The following ZNF471 variants were observed in gnomAD, a reference collection of about 807,000 sequenced individuals.
ZNF471 encodes the protein EZFIT-related protein 1.
A neutral mutation model predicts 13.7 loss-of-function variants in ZNF471; 7 were observed. The observed-to-expected ratio is 0.51, with a 90% CI of 0.29 to 0.96. ZNF471 has a LOEUF of 0.96. ZNF471 is among the 40% of genes least tolerant of loss of function. ZNF471 has a pLI of 0.08. For missense variants in ZNF471, 663 were observed against 743.3 expected, an observed-to-expected ratio of 0.89 and a Z score of 1.26; for synonymous variants, 218 against 235.6, an observed-to-expected ratio of 0.93 and a Z score of 0.68.
chr19:56,519,650 G>A (rs1208944115), intron 4 of ZNF471, among the ~76,000 whole-genome samples: 1 of 152,152 alleles, frequency 6.6e-6, no homozygotes, highest in Non-Finnish European at 1.5e-5. Flanking sequence ...TTTCCCTTCT[G>A]TAACAGTGTT....
intron 3 of ZNF471, among the ~76,000 whole-genome samples, chr19:56,517,116 GTTTTAA>G (rs1328765756): frequency 1.4e-5 from 2 of 144,706 alleles, no homozygotes; most frequent in African/African-American, 5.0e-5. Flanking sequence ...TCTTTGTTCT[GTTTTAA>G]TTTTAATTTT....
rs115426397 is a variant in ZNF471, at chr19:56,522,003, A to G, written c.257-2321A>G. Among the ~76,000 whole-genome samples the G allele has an allele frequency of 0.015, 2,230 of 152,284 alleles. 64 individuals carry two copies. The highest frequency in any genetic ancestry group is 0.048 in the African/African-American group (1,984 of 41,564). On this transcript the variant is annotated intron_variant, in intron 4 of 4. Coordinates refer to ENST00000308031, the MANE Select transcript of ZNF471 (RefSeq NM_020813.4). This position sits in a 1 kb window ranked among gnomAD's most constrained non-coding sequence, Gnocchi z 4.1. ...TTTACTGTACCTTCTTTATGTTTGT[A>G]TATGTTTAGATACAAAAATACCATT...
Position 56,525,948 on chromosome 19 carries a change from AG to A in ZNF471, c.*1del. On this transcript the variant is annotated 3_prime_UTR_variant, in exon 5 of 5. Coordinates refer to ENST00000308031, the MANE Select transcript of ZNF471 (RefSeq NM_020813.4). ...GAAGTCATACTGGAGAAGAACCTTA[AG>A]AATGTAGTGCATGTGGCCAAGCCTT... 1 of 1,549,242 alleles carries A rather than the reference AG, an allele frequency of 6.5e-7. No homozygotes were observed. The highest frequency in any genetic ancestry group is 8.7e-7 in the Non-Finnish European group (1 of 1,151,960).
intron 2 of ZNF471, among the ~76,000 whole-genome samples, chr19:56,513,548 C>CT (rs2043838396): frequency 6.6e-6 from 1 of 152,086 alleles, no homozygotes; most frequent in Admixed American, 6.5e-5. Context: ...GAATTCTTAA[C>CT]TTCTGTTATT....
rs576186752 is a variant in ZNF471, at chr19:56,530,029, G to C, written c.*4081G>C. On this transcript the variant is annotated 3_prime_UTR_variant, in exon 5 of 5. Coordinates refer to ENST00000308031, the MANE Select transcript of ZNF471 (RefSeq NM_020813.4). ...GTGAAAAATTTGGAAAAAATGTTTA[G>C]TGCTATTAAAGTTATGGGTTACTTA... 1 of 152,310 alleles carries C rather than the reference G, an allele frequency of 6.6e-6. No individual in the cohort carries two copies. Among genetic ancestry groups the C allele is most frequent in the African/African-American group, 2.4e-5 (1 of 41,568 alleles). The allele number at this position is 152,310 out of a possible 1,614,324, so 9.4% of individuals were successfully genotyped here.
chr19:56,510,288 T>C lies in ZNF471; in HGVS notation c.-55-1229T>C. 6.1e-6 allele frequency: 6 copies of C among 985,434 alleles called. No individual in the cohort carries two copies. Among genetic ancestry groups the C allele is most frequent in the Non-Finnish European group, 7.2e-6 (6 of 829,948 alleles). 61.0% of individuals were successfully genotyped at this position (985,434 alleles called of 1,614,324 possible). Reference sequence around the variant, plus strand: ...TTTGAAAGATACCATTGAATGTGTATGTATGAGAGACCATCATGTTTATAT... The same window carrying C: ...TTTGAAAGATACCATTGAATGTGTACGTATGAGAGACCATCATGTTTATAT... On this transcript the variant is annotated intron_variant, in intron 1 of 4. Coordinates refer to ENST00000308031, the MANE Select transcript of ZNF471 (RefSeq NM_020813.4). The surrounding 1 kb of genome is among the most constrained non-coding windows in gnomAD (Gnocchi z 4.3).
In ZNF471 at chr19:56,508,262, A is replaced by T; in HGVS notation, c.-56+342A>T. 5 of 816,046 alleles carry T rather than the reference A, an allele frequency of 6.1e-6. No homozygotes were observed. The highest frequency in any genetic ancestry group is 2.1e-5 in the African/African-American group (1 of 47,694). The allele number at this position is 816,046 out of a possible 1,614,324, so 50.6% of individuals were successfully genotyped here. A position where few individuals can be genotyped will look rare whatever the true frequency, so the allele number is the denominator to read the frequency against. The stretch of plus-strand genomic sequence containing the variant: ...GTGTGTGTGTGTGTGTGACAGACCG[A>T]GAGTCCAGTGTGAGACCAGGGTATG... On this transcript the variant is annotated intron_variant, in intron 1 of 4. Transcript: ENST00000308031. The surrounding 1 kb of genome is among the most constrained non-coding windows in gnomAD (Gnocchi z 4.7).
rs988020134 is a variant in ZNF471 at position 56,507,871 on chromosome 19, C to T, written c.-105C>T. 2.6e-5 allele frequency: 26 copies of T among 985,452 alleles called. No homozygotes were observed. The highest frequency in any genetic ancestry group is 7.0e-5 in the African/African-American group (4 of 57,246). The allele number at this position is 985,452 out of a possible 1,614,324, so 61.0% of individuals were successfully genotyped here. On this transcript the variant is annotated 5_prime_UTR_variant, in exon 1 of 5. Coordinates refer to ENST00000308031, the MANE Select transcript of ZNF471 (RefSeq NM_020813.4). The stretch of plus-strand genomic sequence containing the variant: ...GCGCGATGGGGGGTTCCAGCGTCGA[C>T]TCACGGAGTCCTTCGGATGAGAGCG...
Position 56,508,260 on chromosome 19 carries a change from C to T in ZNF471, c.-56+340C>T. The T allele has an allele frequency of 1.0e-5, 6 of 594,518 alleles. No individual in the cohort carries two copies. Among genetic ancestry groups the T allele is most frequent in the African/African-American group, 2.3e-5 (1 of 42,838 alleles). 36.8% of individuals were successfully genotyped at this position (594,518 alleles called of 1,614,324 possible). A position where few individuals can be genotyped will look rare whatever the true frequency, so the allele number is the denominator to read the frequency against. On this transcript the variant is annotated intron_variant, in intron 1 of 4. Transcript: ENST00000308031. This position sits in a 1 kb window ranked among gnomAD's most constrained non-coding sequence, Gnocchi z 4.7. The stretch of plus-strand genomic sequence containing the variant: ...GTGTGTGTGTGTGTGTGTGACAGAC[C>T]GAGAGTCCAGTGTGAGACCAGGGTA...
At chr19:56,517,789 C>A (rs1252515997) in intron 3 of ZNF471, among the ~76,000 whole-genome samples, 1 of 152,174 alleles carries the variant, frequency 6.6e-6, no homozygotes, top group East Asian at 1.9e-4. Flanking sequence ...CTGACTCTAT[C>A]CTTACCCTCA....
At position 56,507,910 on chromosome 19, in the gene ZNF471, C is replaced by A. The variant is rs140945811; in HGVS notation, c.-66C>A. The A allele has an allele frequency of 2.5e-5, 25 of 985,494 alleles. No individual in the cohort carries two copies. Among genetic ancestry groups the A allele is most frequent in the Non-Finnish European group, 2.8e-5 (23 of 830,040 alleles). The allele number at this position is 985,494 out of a possible 1,614,324, so 61.0% of individuals were successfully genotyped here. On this transcript the variant is annotated 5_prime_UTR_variant, in exon 1 of 5. Transcript: ENST00000308031. ...CGGATGAGAGCGTCTGGGTGCCAGA[C>A]GAGGCCGGGGGTTTGTTTTGGGTGG...
At chr19:56,518,461 A>C (rs750669865) in intron 3 of ZNF471, 21 bp from the exon 4 acceptor site, 1 of 1,599,114 alleles carries the variant, frequency 6.3e-7, no homozygotes. Flanking sequence ...ACCAATTTTC[A>C]TGTCTTTTTT....
intron 4 of ZNF471, among the ~76,000 whole-genome samples, chr19:56,523,988 T>C (rs180869401): frequency 1.3e-5 from 2 of 152,284 alleles, no homozygotes; most frequent in East Asian, 3.9e-4. Context: ...CATGCTTGAC[T>C]AATTTTTGTG....
At position 56,516,191 on chromosome 19, in the gene ZNF471, C is replaced by T. The variant is rs761493367; in HGVS notation, c.34-84C>T. The T allele has an allele frequency of 2.0e-5, 28 of 1,384,560 alleles. No individual in the cohort carries two copies. The highest frequency in any genetic ancestry group is 2.7e-5 in the Non-Finnish European group (27 of 994,612). 85.8% of individuals were successfully genotyped at this position (1,384,560 alleles called of 1,614,324 possible). A position where few individuals can be genotyped will look rare whatever the true frequency, so the allele number is the denominator to read the frequency against. On this transcript the variant is annotated intron_variant, in intron 2 of 4. Coordinates refer to ENST00000308031, the MANE Select transcript of ZNF471 (RefSeq NM_020813.4). This position sits in a 1 kb window ranked among gnomAD's most constrained non-coding sequence, Gnocchi z 4.4. ...TTTCTCTTCTATGAGTTATTTCTCA[C>T]CTAAAGTAGAGACACTTTGGATCAA...
chr19:56,513,020 A>G (rs1297619556), intron 2 of ZNF471, among the ~76,000 whole-genome samples: 1 of 152,176 alleles, frequency 6.6e-6, no homozygotes, highest in African/African-American at 2.4e-5. Context: ...TAATTTTCCA[A>G]AGATACAGAC....
At position 56,526,780 on chromosome 19, in the gene ZNF471, T is replaced by C. The variant is rs1299233272; in HGVS notation, c.*832T>C. ...GAGCCCTCCACAGCTCAGCAAAGCC[T>C]CTGTAGCCAGACTGCCTCTCTAGAT... On this transcript the variant is annotated 3_prime_UTR_variant, in exon 5 of 5. Transcript: ENST00000308031. 6.6e-6 allele frequency: 1 copy of C among 152,270 alleles called. No homozygotes were observed. The highest frequency in any genetic ancestry group is 6.5e-5 in the Admixed American group (1 of 15,276). The allele number at this position is 152,270 out of a possible 1,614,324, so 9.4% of individuals were successfully genotyped here.
rs1309352456 is a variant in ZNF471 at position 56,525,694 on chromosome 19, T to TA, written c.1628dup (p.Tyr543Ter). ...HQKTHTGEKPYECNECGKAFS... is the reference protein window; with the variant it reads ...HQKTHTGEKP The stretch of plus-strand genomic sequence containing the variant: ...GAAAACTCATACAGGAGAGAAACCT[T>TA]ATGAGTGTAATGAATGCGGGAAAGC... Residue 543 changes from tyrosine to a stop codon, truncating the protein, a stop_gained and frameshift_variant, in exon 5 of 5, where the codon TAT (tyrosine) becomes TAAT (stop). Coordinates refer to ENST00000308031, the MANE Select transcript of ZNF471 (RefSeq NM_020813.4). LOFTEE classifies it low-confidence loss of function (END_TRUNC). The TA allele has an allele frequency of 7.4e-6, 12 of 1,613,912 alleles. No homozygotes were observed. The highest frequency in any genetic ancestry group is 1.7e-5 in the Admixed American group (1 of 59,994).
chr19:56,508,074 C>G lies in ZNF471; in HGVS notation c.-56+154C>G, dbSNP rs189907024. The G allele has an allele frequency of 1.3e-4, 128 of 985,278 alleles. No individual in the cohort carries two copies. The highest frequency in any genetic ancestry group is 1.4e-4 in the Non-Finnish European group (114 of 829,828). The allele number at this position is 985,278 out of a possible 1,614,324, so 61.0% of individuals were successfully genotyped here. ...CAGAGGCCAGCGGGGCGCGCGTACTCGAGTCTGCGGGGCGGAGGCCGCGGC... is the reference window on the plus strand; with the variant it reads ...CAGAGGCCAGCGGGGCGCGCGTACTGGAGTCTGCGGGGCGGAGGCCGCGGC... On this transcript the variant is annotated intron_variant, in intron 1 of 4. Transcript: ENST00000308031. The surrounding 1 kb of genome is among the most constrained non-coding windows in gnomAD (Gnocchi z 4.7).
At position 56,510,325 on chromosome 19, in the gene ZNF471, GGAGA is replaced by G. The variant is rs1600503936; in HGVS notation, c.-55-1189_-55-1186del. 1.0e-5 allele frequency: 10 copies of G among 985,402 alleles called. No homozygotes were observed. Among genetic ancestry groups the G allele is most frequent in the Non-Finnish European group, 1.2e-5 (10 of 829,922 alleles). The allele number at this position is 985,402 out of a possible 1,614,324, so 61.0% of individuals were successfully genotyped here. A position where few individuals can be genotyped will look rare whatever the true frequency, so the allele number is the denominator to read the frequency against. On this transcript the variant is annotated intron_variant, in intron 1 of 4. Coordinates refer to ENST00000308031, the MANE Select transcript of ZNF471 (RefSeq NM_020813.4). This position sits in a 1 kb window ranked among gnomAD's most constrained non-coding sequence, Gnocchi z 4.3. ...CATCATGTTTATATGTGTGAAAGAG[GGAGA>G]GAAAGACTAGTGATGTGGTTGTGTG...
Sources: allele counts gnomAD v4.1 joint callset (sites outside exome capture counted in the v4.1 genomes callset), GRCh38; gene constraint gnomAD v4.1.1; non-coding constraint Gnocchi (gnomAD v3.1); transcripts MANE v1.5; gene names NCBI Gene and HGNC (gene_info 2026-07-23, HGNC 2026-07-21).